The following SAMMSON variants were observed in gnomAD, a reference collection of about 807,000 sequenced individuals.
The protein encoded by SAMMSON is long intergenic non-protein coding RNA 1212.
intron 7 of SAMMSON, among the ~76,000 whole-genome samples, chr3:70,343,080 T>A (rs550253045): frequency 6.6e-6 from 1 of 152,316 alleles, no homozygotes; most frequent in South Asian, 2.1e-4. Context: ...ATTTTTAAAA[T>A]AAGCTTTTTA....
intron 6 of SAMMSON, among the ~76,000 whole-genome samples, chr3:70,284,446 G>A (rs1394030891): frequency 3.9e-5 from 6 of 152,056 alleles, no homozygotes; most frequent in African/African-American, 1.4e-4. Flanking sequence ...TTTGAAGAAT[G>A]ACAAGAGATT....
chr3:70,264,056 A>T (rs1274515982), intron 6 of SAMMSON, among the ~76,000 whole-genome samples: 1 of 152,232 alleles, frequency 6.6e-6, no homozygotes. Flanking sequence ...TTCTGTAATC[A>T]TCTTGTGTCT....
intron 7 of SAMMSON, among the ~76,000 whole-genome samples, chr3:70,292,855 T>C (rs4974263): frequency 0.07 from 10,572 of 151,952 alleles, 583 homozygotes; most frequent in East Asian, 0.28. Flanking sequence ...GAAGGTAGAA[T>C]TACCTTGATA....
At chr3:70,085,081 A>T (rs1225774163) in intron 4 of SAMMSON, among the ~76,000 whole-genome samples, 1 of 152,178 alleles carries the variant, frequency 6.6e-6, no homozygotes, top group African/African-American at 2.4e-5. Flanking sequence ...AGCGGTCAAG[A>T]GGTCATATTA....
chr3:70,375,053 C>T (rs953780282), intron 9 of SAMMSON, among the ~76,000 whole-genome samples: 20 of 152,092 alleles, frequency 1.3e-4, no homozygotes, highest in Admixed American at 5.9e-4. Flanking sequence ...TGTGTGCATG[C>T]GTGTAAAGTC....
chr3:70,319,570 A>T (rs943564479), intron 7 of SAMMSON, among the ~76,000 whole-genome samples: 6 of 152,086 alleles, frequency 3.9e-5, no homozygotes, highest in African/African-American at 1.4e-4. Flanking sequence ...ACAGCCTAGA[A>T]CAAAGAGTGG....
intron 4 of SAMMSON, among the ~76,000 whole-genome samples, chr3:70,170,422 CTT>C (rs1344473814): frequency 1.3e-5 from 2 of 151,610 alleles, no homozygotes; most frequent in Admixed American, 6.6e-5. Flanking sequence ...TTTTTTGTCT[CTT>C]TTAAATTCTT....
At chr3:70,338,344 C>T (rs1039901709) in intron 7 of SAMMSON, among the ~76,000 whole-genome samples, 2 of 151,916 alleles carry the variant, frequency 1.3e-5, no homozygotes, top group Non-Finnish European at 2.9e-5. Flanking sequence ...TCAGAAGACC[C>T]AGATTCAAGT....
rs767671725 is a variant in SAMMSON at position 70,168,361 on chromosome 3, T to A, written n.508-80746T>A. 2.6e-4 allele frequency among the ~76,000 whole-genome samples: 40 copies of A among 152,104 alleles called. 1 individual carries two copies. Among genetic ancestry groups the A allele is most frequent in the Non-Finnish European group, 3.2e-4 (22 of 67,930 alleles). On this transcript the variant is annotated intron_variant and non_coding_transcript_variant, in intron 4 of 9. Transcript: ENST00000642114. ...TCTATTGGCAAAACAACTCATAACC[T>A]ATAGAGCACAGGTCAGTAGTGGCGC... is the stretch of plus-strand genomic sequence containing the variant.
chr3:70,223,489 A>C (rs1474501792), intron 4 of SAMMSON, among the ~76,000 whole-genome samples: 1 of 152,152 alleles, frequency 6.6e-6, no homozygotes, highest in Non-Finnish European at 1.5e-5. Flanking sequence ...TCCTGAGCAA[A>C]AGTTACTCTT....
intron 4 of SAMMSON, among the ~76,000 whole-genome samples, chr3:70,133,940 G>A (rs551285188): frequency 8.5e-5 from 13 of 152,116 alleles, no homozygotes; most frequent in African/African-American, 3.1e-4. Context: ...CTTGCTAGGT[G>A]GTTGTAAAAT....
chr3:70,348,063 C>A lies in SAMMSON; in HGVS notation n.740-6112C>A, dbSNP rs906017836. 1.2e-4 allele frequency among the ~76,000 whole-genome samples: 18 copies of A among 151,968 alleles called. No individual in the cohort carries two copies. In the South Asian group the frequency reaches 2.5e-3, roughly 21 times the overall value. On this transcript the variant is annotated intron_variant and non_coding_transcript_variant, in intron 7 of 9. Transcript: ENST00000642114. ...GTCTTGAAAGGGAAAAAGAAAAGAA[C>A]AATGTTAAAAAGTGGTAAGTGCTAA...
At chr3:70,198,044 T>C (rs1701198325) in intron 4 of SAMMSON, among the ~76,000 whole-genome samples, 1 of 152,198 alleles carries the variant, frequency 6.6e-6, no homozygotes, top group Non-Finnish European at 1.5e-5. Flanking sequence ...GCAGTTCTCT[T>C]GTTAAAATTT....
chr3:70,032,206 C>T (rs1313706222), intron 3 of SAMMSON, among the ~76,000 whole-genome samples: 3 of 152,076 alleles, frequency 2.0e-5, no homozygotes, highest in Non-Finnish European at 4.4e-5. Context: ...GCCCTCTGAA[C>T]AGCCACCCAT....
intron 3 of SAMMSON, among the ~76,000 whole-genome samples, chr3:70,027,785 A>G (rs1171486778): frequency 6.6e-6 from 1 of 152,210 alleles, no homozygotes; most frequent in Non-Finnish European, 1.5e-5. Flanking sequence ...TATTGTGCAA[A>G]GGACAGCACT....
chr3:70,245,047 C>T (rs1305483089), intron 4 of SAMMSON, among the ~76,000 whole-genome samples: 3 of 152,082 alleles, frequency 2.0e-5, no homozygotes, highest in Non-Finnish European at 4.4e-5. Context: ...TTTGGAATTG[C>T]AATCAGGGAT....
At chr3:70,090,192 A>G (rs2067300250) in intron 4 of SAMMSON, among the ~76,000 whole-genome samples, 1 of 152,196 alleles carries the variant, frequency 6.6e-6, no homozygotes, top group African/African-American at 2.4e-5. Flanking sequence ...TCTTCCTAAT[A>G]GATCAAGGAA....
Position 70,357,332 on chromosome 3 carries a change from G to A in SAMMSON, n.843-922G>A, listed in dbSNP as rs146892975. Among the ~76,000 whole-genome samples the A allele has an allele frequency of 4.9e-3, 750 of 152,170 alleles. 3 individuals carry two copies. Among genetic ancestry groups the A allele is most frequent in the Non-Finnish European group, 6.6e-3 (450 of 68,020 alleles). On this transcript the variant is annotated intron_variant and non_coding_transcript_variant, in intron 8 of 9. Transcript: ENST00000642114. ...CATCTTTTTGGCAAAAAGAGAGCAG[G>A]CCTCAGATACAAAGCTTTTGGTAAG... is the stretch of plus-strand genomic sequence containing the variant.
At chr3:70,181,652 T>C (rs1398658607) in intron 4 of SAMMSON, among the ~76,000 whole-genome samples, 1 of 152,148 alleles carries the variant, frequency 6.6e-6, no homozygotes, top group Non-Finnish European at 1.5e-5. Context: ...CCATGCAGGG[T>C]GGGAAAAGGA....
Sources: gnomAD v4.1 joint callset for allele counts (sites outside exome capture counted in the v4.1 genomes callset) on GRCh38, gnomAD v4.1.1 for gene constraint, MANE v1.5 for transcripts, NCBI Gene and HGNC (gene_info 2026-07-23, HGNC 2026-07-21) for gene names.